GRIN3A: variants seen among roughly 807,000 people sequenced by gnomAD.
GRIN3A encodes the protein glutamate ionotropic receptor NMDA type subunit 3A, also known as glutamate receptor ionotropic, NMDA 3A.
GRIN3A carries 47 observed loss-of-function variants against 92.4 expected under a neutral mutation model. The ratio of observed to expected loss-of-function variants is 0.51; its 90% confidence interval spans 0.40 to 0.65. The LOEUF is 0.65. GRIN3A is among the 30% of genes least tolerant of loss of function. The pLI is 0.00. For synonymous variants in GRIN3A, 527 were observed against 540.6 expected (o/e 0.97, Z 0.35); for missense variants, 1,324 against 1,393.1 (o/e 0.95, Z 0.79).
chr9:101,573,347 G>A lies in GRIN3A; in HGVS notation c.3175C>T (p.Arg1059Trp), dbSNP rs145862529. Residue 1059 changes from arginine to tryptophan, a missense_variant, in exon 9 of 9, where the codon CGG (arginine) becomes TGG (tryptophan). By Grantham distance (101) the Arg-to-Trp change is moderately radical (BLOSUM62 -3). Coordinates refer to ENST00000361820, the MANE Select transcript of GRIN3A (RefSeq NM_133445.3). Reference protein sequence around the residue: ...PPRRRELPALRTTNGKADSLN... With the variant: ...PPRRRELPALWTTNGKADSLN... ...GAGTCTGCTTTCCCATTGGTGGTCC[G>A]CAAGGCAGGGAGCTCTCTTCTCCTT... 15 of 1,614,000 alleles carry A rather than the reference G, an allele frequency of 9.3e-6. No individual in the cohort carries two copies. The highest frequency in any genetic ancestry group is 6.7e-5 in the African/African-American group (5 of 74,988).
chr9:101,624,592 T>C (rs1197415066), intron 4 of GRIN3A, among the ~76,000 whole-genome samples: 2 of 152,126 alleles, frequency 1.3e-5, no homozygotes, highest in Admixed American at 1.3e-4. Flanking sequence ...CCATGGTGTA[T>C]ATGTGCCACA....
At chr9:101,707,475 G>T (rs1034053156) in intron 1 of GRIN3A, among the ~76,000 whole-genome samples, 1 of 152,116 alleles carries the variant, frequency 6.6e-6, no homozygotes, top group Non-Finnish European at 1.5e-5. Context: ...TGGTTGCCCT[G>T]GTAATGCCTT....
chr9:101,670,144 G>A lies in GRIN3A; in HGVS notation c.2268C>T (p.Cys756=). The change falls in exon 3 of 9, where the codon TGC becomes TGT. Residue 756 remains cysteine (C), a synonymous_variant. Coordinates refer to ENST00000361820, the MANE Select transcript of GRIN3A (RefSeq NM_133445.3). ...MNLWAIFCMF[C]LSTYTANLAA... The stretch of plus-strand genomic sequence containing the variant: ...CCAAGTTTGCCGTGTATGTGGAAAG[G>A]CAAAACATACAGAAAATGGCCCAAA... The A allele has an allele frequency of 1.2e-6, 2 of 1,613,750 alleles. No homozygotes were observed. The highest frequency in any genetic ancestry group is 1.7e-6 in the Non-Finnish European group (2 of 1,179,772).
intron 1 of GRIN3A, among the ~76,000 whole-genome samples, chr9:101,723,178 C>T (rs1166526934): frequency 2.6e-5 from 4 of 152,180 alleles, no homozygotes; most frequent in Non-Finnish European, 2.9e-5. Context: ...AATGAAGCCG[C>T]GGACCCTCGC....
At chr9:101,596,166 T>A (rs1828127212) in intron 6 of GRIN3A, among the ~76,000 whole-genome samples, 1 of 152,210 alleles carries the variant, frequency 6.6e-6, no homozygotes, top group African/African-American at 2.4e-5. Context: ...TCAGCCAAAA[T>A]ATCAGTCTAA....
At chr9:101,646,427 A>G (rs903143997) in intron 3 of GRIN3A, among the ~76,000 whole-genome samples, 20 of 151,968 alleles carry the variant, frequency 1.3e-4, no homozygotes, top group South Asian at 4.1e-4. Flanking sequence ...ATAGCTTTGT[A>G]GTATATTTTG....
At chr9:101,633,319 C>A (rs1447202161) in intron 3 of GRIN3A, among the ~76,000 whole-genome samples, 2 of 152,216 alleles carry the variant, frequency 1.3e-5, no homozygotes, top group East Asian at 3.9e-4. Context: ...CTATTCCTAA[C>A]TTGCCTAGTG....
In GRIN3A at chr9:101,571,800, TC is replaced by T. The variant is rs1286351848; in HGVS notation, c.*1373del. The T allele has an allele frequency of 6.6e-6, 1 of 152,166 alleles. No homozygotes were observed. Among genetic ancestry groups the T allele is most frequent in the Non-Finnish European group, 1.5e-5 (1 of 68,054 alleles). The allele number at this position is 152,166 out of a possible 1,614,324, so 9.4% of individuals were successfully genotyped here. On this transcript the variant is annotated 3_prime_UTR_variant, in exon 9 of 9. Transcript: ENST00000361820. The stretch of plus-strand genomic sequence containing the variant: ...GTTGGTTAACAGTAGGTTTCTGAGC[TC>T]ACCTCTAGACCTCCACCCCCAACCC...
At chr9:101,605,596 G>A (rs1236821917) in intron 6 of GRIN3A, among the ~76,000 whole-genome samples, 4 of 152,158 alleles carry the variant, frequency 2.6e-5, no homozygotes, top group African/African-American at 7.2e-5. Context: ...GCTGGGGGAG[G>A]ATAGGAAAGG....
At position 101,738,004 on chromosome 9, in the gene GRIN3A, G is replaced by A; in HGVS notation, c.-25C>T. ...TTACTGAGACCCGCAGGGAGAAAGC[G>A]CGCCCCCTCCTGCGCCCGGCTCGCC... On this transcript the variant is annotated 5_prime_UTR_variant, in exon 1 of 9. Coordinates refer to ENST00000361820, the MANE Select transcript of GRIN3A (RefSeq NM_133445.3). The A allele has an allele frequency of 2.0e-6, 3 of 1,524,044 alleles. No homozygotes were observed. The highest frequency in any genetic ancestry group is 2.6e-6 in the Non-Finnish European group (3 of 1,138,124). 94.4% of individuals were successfully genotyped at this position (1,524,044 alleles called of 1,614,324 possible).
intron 3 of GRIN3A, among the ~76,000 whole-genome samples, chr9:101,651,935 CTA>C (rs1829020306): frequency 6.6e-6 from 1 of 151,886 alleles, no homozygotes; most frequent in Non-Finnish European, 1.5e-5. Context: ...GAAAAAATCA[CTA>C]GAGTGGATTC....
At chr9:101,722,172 C>A (rs897930825) in intron 1 of GRIN3A, among the ~76,000 whole-genome samples, 1 of 152,252 alleles carries the variant, frequency 6.6e-6, no homozygotes, top group African/African-American at 2.4e-5. Flanking sequence ...CAACATAGAG[C>A]TCAGGCTGTG....
At chr9:101,704,237 T>C (rs1829787352) in intron 1 of GRIN3A, among the ~76,000 whole-genome samples, 1 of 152,196 alleles carries the variant, frequency 6.6e-6, no homozygotes, top group South Asian at 2.1e-4. Flanking sequence ...AAAATAGTCT[T>C]ACTTAGGATT....
At chr9:101,637,968 A>C (rs1828806518) in intron 3 of GRIN3A, among the ~76,000 whole-genome samples, 2 of 147,326 alleles carry the variant, frequency 1.4e-5, no homozygotes, top group Non-Finnish European at 3.0e-5. Context: ...GAATATGGCT[A>C]ATAAAAATAA....
chr9:101,738,360 G>C lies in GRIN3A; in HGVS notation c.-381C>G, dbSNP rs115479633. On this transcript the variant is annotated 5_prime_UTR_variant, in exon 1 of 9. Transcript: ENST00000361820. ...GGATGAGAAGCAGCCGGAGTTCCTC[G>C]GGGGCAGCAGTGACAGAGGAGCGAC... 3 of 282,604 alleles carry C rather than the reference G, an allele frequency of 1.1e-5. No individual in the cohort carries two copies. The highest frequency in any genetic ancestry group is 4.0e-5 in the South Asian group (1 of 25,224). 17.5% of individuals were successfully genotyped at this position (282,604 alleles called of 1,614,324 possible).
intron 6 of GRIN3A, among the ~76,000 whole-genome samples, chr9:101,581,507 T>A (rs1827886772): frequency 6.6e-6 from 1 of 151,972 alleles, no homozygotes; most frequent in Admixed American, 6.5e-5. Flanking sequence ...AGCTAGTCCC[T>A]TTTGTTGCCC....
intron 5 of GRIN3A, among the ~76,000 whole-genome samples, chr9:101,618,979 G>A (rs1194510618): frequency 6.6e-6 from 1 of 152,154 alleles, no homozygotes; most frequent in African/African-American, 2.4e-5. Context: ...AAGGCATCAG[G>A]CATCCTGGAA....
At chr9:101,721,122 T>C (rs1830007293) in intron 1 of GRIN3A, among the ~76,000 whole-genome samples, 1 of 152,200 alleles carries the variant, frequency 6.6e-6, no homozygotes, top group East Asian at 1.9e-4. Context: ...TTGAATTGTA[T>C]CTGCCTGGAT....
chr9:101,702,154 T>C (rs1277223556), intron 1 of GRIN3A, among the ~76,000 whole-genome samples: 1 of 152,056 alleles, frequency 6.6e-6, no homozygotes, highest in Admixed American at 6.5e-5. Context: ...ATACAAAAAT[T>C]AGCCAGGTGT....
Sources: allele counts gnomAD v4.1 joint callset (sites outside exome capture counted in the v4.1 genomes callset), GRCh38; gene constraint gnomAD v4.1.1; transcripts MANE v1.5; gene names NCBI Gene and HGNC (gene_info 2026-07-23, HGNC 2026-07-21).